Variants in TTC34 observed in about 807,000 individuals in gnomAD.
TTC34 encodes the protein tetratricopeptide repeat protein 34.
In TTC34, 44 loss-of-function variants were observed where a neutral mutation model predicts 40.7. The observed-to-expected ratio is 1.08, with a 90% CI of 0.85 to 1.39. The LOEUF (loss-of-function observed/expected upper bound fraction) is 1.39, where lower values mean the gene tolerates loss of function less well. Ranked by LOEUF, TTC34 falls within the 40% of genes most tolerant of loss-of-function variation. The pLI is 0.00. For synonymous variants in TTC34, 422 were observed against 398.6 expected, an observed-to-expected ratio of 1.06 and a Z score of -0.70; for missense variants, 884 against 838.0, an observed-to-expected ratio of 1.05 and a Z score of -0.68.
chr1:2,692,500 TG>T (rs1640668539), intron 6 of TTC34, among the ~76,000 whole-genome samples: 1 of 39,972 alleles, frequency 2.5e-5, no homozygotes. Flanking sequence ...AACAGCAGCC[TG>T]CACCCCCAGG....
chr1:2,654,010 C>G (rs1180404356), intron 6 of TTC34, among the ~76,000 whole-genome samples: 178 of 137,954 alleles, frequency 1.3e-3, no homozygotes, highest in Admixed American at 2.0e-3. Flanking sequence ...GTGCCCACAC[C>G]CCCAGGCGAG....
chr1:2,688,643 A>C (rs1442484176), intron 6 of TTC34, among the ~76,000 whole-genome samples: 1 of 114,956 alleles, frequency 8.7e-6, no homozygotes, highest in African/African-American at 3.8e-5. Context: ...CTGGAGTAGC[A>C]CCCACAACCA....
Position 2,645,158 on chromosome 1 carries a change from T to C in TTC34, c.2497+135A>G. On this transcript the variant is annotated intron_variant, in intron 7 of 8. Transcript: ENST00000401095. The surrounding 1 kb of genome is among the most constrained non-coding windows in gnomAD (Gnocchi z 4.7). ...GAGCAGGGCCAGAGGTCATGGGATTTGGGGTGGAAGGGACCTTGGAAGCTG... is the reference window on the plus strand; with the variant it reads ...GAGCAGGGCCAGAGGTCATGGGATTCGGGGTGGAAGGGACCTTGGAAGCTG... The C allele has an allele frequency of 9.0e-7, 1 of 1,106,578 alleles. No homozygotes were observed. Among genetic ancestry groups the C allele is most frequent in the Non-Finnish European group, 1.2e-6 (1 of 835,948 alleles). The allele number at this position is 1,106,578 out of a possible 1,614,324, so 68.5% of individuals were successfully genotyped here. A position where few individuals can be genotyped will look rare whatever the true frequency, so the allele number is the denominator to read the frequency against.
intron 6 of TTC34, among the ~76,000 whole-genome samples, chr1:2,683,466 C>T (rs1448744490): frequency 1.3e-5 from 2 of 151,444 alleles, no homozygotes; most frequent in South Asian, 2.1e-4. Context: ...TGGAGCAGCA[C>T]CCACACCACC....
chr1:2,674,004 GC>G (rs1224950891), intron 6 of TTC34, among the ~76,000 whole-genome samples: 1 of 60,322 alleles, frequency 1.7e-5, no homozygotes, highest in African/African-American at 6.6e-5. Context: ...ACAATCCCAG[GC>G]GAGCATCTGA....
At chr1:2,692,677 C>CA (rs1640681075) in intron 6 of TTC34, among the ~76,000 whole-genome samples, 1 of 91,632 alleles carries the variant, frequency 1.1e-5, no homozygotes, top group Admixed American at 1.3e-4. Flanking sequence ...CACAGGTGAG[C>CA]TTCTGACAGC....
At chr1:2,778,002 A>T (rs1204465427) in intron 6 of TTC34, among the ~76,000 whole-genome samples, 1 of 152,186 alleles carries the variant, frequency 6.6e-6, no homozygotes, top group Admixed American at 6.5e-5. Flanking sequence ...TGTCCAGTGC[A>T]GGAAAGGGCA....
In TTC34 at chr1:2,645,582, G is replaced by A; in HGVS notation, c.2227-19C>T. On this transcript the variant is annotated intron_variant, in intron 6 of 8. Transcript: ENST00000401095. This position sits in a 1 kb window ranked among gnomAD's most constrained non-coding sequence, Gnocchi z 4.7. Reference sequence around the variant, plus strand: ...CGGCTTCCTGCAAGGAGGGAGGGCGGGCGGGTGCAGAGTTGTCCTAAGTAG... The same window carrying A: ...CGGCTTCCTGCAAGGAGGGAGGGCGAGCGGGTGCAGAGTTGTCCTAAGTAG... 3.0e-6 allele frequency: 4 copies of A among 1,322,432 alleles called. No homozygotes were observed. The highest frequency in any genetic ancestry group is 4.0e-6 in the Non-Finnish European group (4 of 997,714). 81.9% of individuals were successfully genotyped at this position (1,322,432 alleles called of 1,614,324 possible). A position where few individuals can be genotyped will look rare whatever the true frequency, so the allele number is the denominator to read the frequency against.
intron 6 of TTC34, among the ~76,000 whole-genome samples, chr1:2,752,711 C>A (rs1192242943): frequency 1.5e-5 from 2 of 136,890 alleles, no homozygotes; most frequent in South Asian, 2.5e-4. Flanking sequence ...GAGCATCTGA[C>A]AGCATGGAAC....
At chr1:2,752,405 C>A (rs1277107361) in intron 6 of TTC34, among the ~76,000 whole-genome samples, 1 of 86,860 alleles carries the variant, frequency 1.2e-5, no homozygotes, top group Non-Finnish European at 2.2e-5. Context: ...GTAACAGCAC[C>A]CACACACCCA....
chr1:2,645,197 CTCTT>C lies in TTC34; in HGVS notation c.2497+92_2497+95del. ...CCTTGGAAGCTGTTGTGGTCCGGGT[CTCTT>C]TCTTCCATTTTTACAGAACAGGATA... On this transcript the variant is annotated intron_variant, in intron 7 of 8. Coordinates refer to ENST00000401095, the Ensembl canonical transcript of TTC34. This position sits in a 1 kb window ranked among gnomAD's most constrained non-coding sequence, Gnocchi z 4.7. The C allele has an allele frequency of 1.5e-6, 2 of 1,336,064 alleles. No homozygotes were observed. Among genetic ancestry groups the C allele is most frequent in the Non-Finnish European group, 1.9e-6 (2 of 1,036,460 alleles). The allele number at this position is 1,336,064 out of a possible 1,614,324, so 82.8% of individuals were successfully genotyped here. A position where few individuals can be genotyped will look rare whatever the true frequency, so the allele number is the denominator to read the frequency against.
chr1:2,784,859 C>T (rs1393857639), intron 5 of TTC34, among the ~76,000 whole-genome samples: 4 of 152,306 alleles, frequency 2.6e-5, no homozygotes, highest in African/African-American at 9.6e-5. Context: ...TGCCTCGGCA[C>T]CTAGGTAATC....
chr1:2,639,580 G>A (rs1398593956), exon 9 of TTC34: 3 of 152,480 alleles, frequency 2.0e-5, no homozygotes, highest in Non-Finnish European at 2.9e-5. Flanking sequence ...TTGGGCTGCT[G>A]ACAGGTGTTT....
intron 6 of TTC34, among the ~76,000 whole-genome samples, chr1:2,758,208 A>T (rs1465507169): frequency 0.094 from 2,362 of 25,042 alleles, 49 homozygotes; most frequent in African/African-American, 0.23. Flanking sequence ...CAGGTGAGCA[A>T]CTGACACCCT....
intron 3 of TTC34, among the ~76,000 whole-genome samples, chr1:2,788,439 G>A (rs1422931383): frequency 6.6e-6 from 1 of 151,912 alleles, no homozygotes; most frequent in Non-Finnish European, 1.5e-5. Flanking sequence ...TGTGTGTTGT[G>A]TGTGTGCCTT....
chr1:2,636,995 G>C (rs1376897173), exon 9 of TTC34: 1 of 152,184 alleles, frequency 6.6e-6, no homozygotes, highest in African/African-American at 2.4e-5. Flanking sequence ...GTGTGAGAAG[G>C]GCAGAGAAGA....
chr1:2,699,122 T>C (rs1390113923), intron 6 of TTC34, among the ~76,000 whole-genome samples: 24 of 87,192 alleles, frequency 2.8e-4, no homozygotes, highest in East Asian at 7.9e-4. Flanking sequence ...CCTGGAGCAG[T>C]GCCCACACCC....
In TTC34 at chr1:2,796,542, A is replaced by G. The variant is rs1306322260; in HGVS notation, c.784+3502T>C. Among the ~76,000 whole-genome samples, 2 of 151,950 alleles carry G rather than the reference A, an allele frequency of 1.3e-5. No homozygotes were observed. The highest frequency in any genetic ancestry group is 1.3e-4 in the Admixed American group (2 of 15,260). On this transcript the variant is annotated intron_variant, in intron 2 of 8. Transcript: ENST00000401095. The surrounding 1 kb of genome is among the most constrained non-coding windows in gnomAD (Gnocchi z 4.5). The stretch of plus-strand genomic sequence containing the variant: ...TCCTGGAGGAGCTGGGTCTTCCCTC[A>G]CATTCCCCAAGCCTGCAACACTTGG...
chr1:2,783,834 T>C, intron 5 of TTC34, 59 bp from the exon 6 acceptor site: 1 of 1,355,292 alleles, frequency 7.4e-7, no homozygotes, highest in East Asian at 2.9e-5. Context: ...CCCCAGCATC[T>C]ATCCTGCCCA....
Sources: gnomAD v4.1 joint callset for allele counts (sites outside exome capture counted in the v4.1 genomes callset) on GRCh38, gnomAD v4.1.1 for gene constraint, Gnocchi (gnomAD v3.1) non-coding constraint, MANE v1.5 for transcripts, NCBI Gene and HGNC (gene_info 2026-07-23, HGNC 2026-07-21) for gene names.